DHRSX: variants seen among roughly 807,000 people sequenced by gnomAD.
DHRSX encodes the protein polyprenol dehydrogenase.
Under a neutral mutation model 34.0 loss-of-function variants are expected in DHRSX, and 31 were observed. The ratio of observed to expected loss-of-function variants is 0.91; its 90% CI spans 0.69 to 1.23. The LOEUF (loss-of-function observed/expected upper bound fraction) is 1.23. DHRSX is among the 50% of genes most tolerant of loss of function. DHRSX has a pLI of 0.00. For missense variants in DHRSX, 414 were observed against 428.1 expected (o/e 0.97, Z 0.29); for synonymous variants, 201 against 183.8 (o/e 1.09, Z -0.76).
intron 2 of DHRSX, among the ~76,000 whole-genome samples, chrX:2,423,132 G>T (rs1310117517): frequency 6.6e-6 from 1 of 150,570 alleles, no homozygotes; most frequent in Admixed American, 6.6e-5. Flanking sequence ...ATGAGCCAGG[G>T]CCAGGCACGG....
Position 2,408,780 on chromosome X carries a change from A to G in DHRSX, c.251T>C (p.Val84Ala). The change falls in exon 3 of 7, where the codon GTA (valine) becomes GCA (alanine). Residue 84 changes from valine to alanine, a missense_variant. Coordinates refer to ENST00000334651, the MANE Select transcript of DHRSX (RefSeq NM_145177.3). ...GNNDSKAKQVVSKIKEETLND... is the reference protein window; with the variant it reads ...GNNDSKAKQVASKIKEETLND... ...CAAGGTTTCTTCTTTTATTTTGCTT[A>G]CAACTTGTTTGGCTTTGCTGTCATT... is the stretch of plus-strand genomic sequence containing the variant. The G allele has an allele frequency of 1.9e-6, 3 of 1,613,300 alleles. No homozygotes were observed. The South Asian group carries it at 3.3e-5, about 18-fold the overall frequency.
In DHRSX at chrX:2,349,338, C is replaced by CAA. The variant is rs112245431; in HGVS notation, c.287-57737_287-57736dup. Among the ~76,000 whole-genome samples, 269 of 146,772 alleles carry CAA rather than the reference C, an allele frequency of 1.8e-3. 1 individual carries two copies. Among genetic ancestry groups the CAA allele is most frequent in the African/African-American group, 5.8e-3 (232 of 40,302 alleles). ...CGACAGACTGACACTCCGTCTCAAA[C>CAA]AAAAAAAAAAGAAAATGCGGTACAC... On this transcript the variant is annotated intron_variant, in intron 3 of 6. Transcript: ENST00000334651.
chrX:2,500,488 G>C (rs1025736532), intron 1 of DHRSX: 1 of 156,882 alleles, frequency 6.4e-6, no homozygotes, highest in African/African-American at 2.4e-5. Flanking sequence ...AGGGTGCGCG[G>C]GGGGGCGGCT....
At chrX:2,328,202 A>C (rs1233030564) in intron 3 of DHRSX, among the ~76,000 whole-genome samples, 2 of 152,044 alleles carry the variant, frequency 1.3e-5, no homozygotes, top group Non-Finnish European at 1.5e-5. Context: ...AGCCCTGCCT[A>C]CACCTTGATC....
At chrX:2,451,315 C>T (rs1319913796) in intron 1 of DHRSX, among the ~76,000 whole-genome samples, 2 of 151,952 alleles carry the variant, frequency 1.3e-5, no homozygotes, top group African/African-American at 4.8e-5. Flanking sequence ...CACCCTGGGC[C>T]CTGGAACTGC....
chrX:2,283,743 T>TCATTCATTCATTTGATTC (rs1329998761), intron 4 of DHRSX, among the ~76,000 whole-genome samples: 2 of 152,220 alleles, frequency 1.3e-5, no homozygotes, highest in African/African-American at 4.8e-5. Flanking sequence ...TCATTAGAAT[T>TCATTCATTCATTTGATTC]CATTCATTCA....
At chrX:2,265,726 G>T (rs1015125099) in intron 5 of DHRSX, among the ~76,000 whole-genome samples, 1 of 145,526 alleles carries the variant, frequency 6.9e-6, no homozygotes, top group African/African-American at 2.6e-5. Flanking sequence ...GTGTATAGCA[G>T]ATGCAGGGAG....
At chrX:2,295,513 G>A (rs1177114373) in intron 3 of DHRSX, among the ~76,000 whole-genome samples, 12 of 152,074 alleles carry the variant, frequency 7.9e-5, no homozygotes, top group Admixed American at 1.3e-4. Flanking sequence ...ACCATGGCAC[G>A]TGTATACCTA....
intron 1 of DHRSX, among the ~76,000 whole-genome samples, chrX:2,458,625 C>G (rs555020544): frequency 6.6e-6 from 1 of 151,978 alleles, no homozygotes; most frequent in African/African-American, 2.4e-5. Flanking sequence ...TCTAAAAAAG[C>G]TGAACGCATA....
intron 5 of DHRSX, among the ~76,000 whole-genome samples, chrX:2,262,459 G>C (rs1018715737): frequency 2.0e-5 from 3 of 151,852 alleles, no homozygotes; most frequent in African/African-American, 7.3e-5. Context: ...GTGTGCCCAC[G>C]GGCACAAAGA....
intron 1 of DHRSX, chrX:2,488,757 C>A (rs745318802): frequency 6.2e-7 from 1 of 1,613,970 alleles, no homozygotes; most frequent in African/African-American, 1.3e-5. Context: ...TCCGCCTCTG[C>A]CCCACTCCGG....
intron 4 of DHRSX, among the ~76,000 whole-genome samples, chrX:2,284,404 TTGAATGAATGAA>T (rs750399883): frequency 1.2e-4 from 18 of 151,308 alleles, no homozygotes; most frequent in Admixed American, 3.3e-4. Flanking sequence ...ATGAATGAAT[TTGAATGAATGAA>T]TGAATGAATG....
chrX:2,229,637 GTA>G (rs2015819749), intron 6 of DHRSX, among the ~76,000 whole-genome samples: 1 of 151,906 alleles, frequency 6.6e-6, no homozygotes, highest in Admixed American at 6.6e-5. Flanking sequence ...GATGTGTATT[GTA>G]TGATTGTATG....
intron 3 of DHRSX, among the ~76,000 whole-genome samples, chrX:2,363,423 T>G (rs982987859): frequency 8.0e-6 from 1 of 124,546 alleles, no homozygotes; most frequent in Non-Finnish European, 1.9e-5. Context: ...ATGCCGCCAT[T>G]TTATCACTGT....
At chrX:2,319,140 T>C (rs758167766) in intron 3 of DHRSX, among the ~76,000 whole-genome samples, 8 of 152,138 alleles carry the variant, frequency 5.3e-5, no homozygotes, top group Admixed American at 1.3e-4. Flanking sequence ...TTGGACAACA[T>C]ACATCTGAAC....
At chrX:2,437,268 G>C (rs1299896521) in intron 1 of DHRSX, among the ~76,000 whole-genome samples, 2 of 151,990 alleles carry the variant, frequency 1.3e-5, no homozygotes, top group Non-Finnish European at 2.9e-5. Context: ...CAAAGTGCTG[G>C]GATTACAGGT....
chrX:2,348,227 T>C (rs181506323), intron 3 of DHRSX, among the ~76,000 whole-genome samples: 45 of 152,242 alleles, frequency 3.0e-4, no homozygotes, highest in Admixed American at 2.6e-3. Context: ...ACCCCAGAGA[T>C]AGGAAGCTGG....
chrX:2,341,705 C>T (rs2042642509), intron 3 of DHRSX, among the ~76,000 whole-genome samples: 1 of 27,904 alleles, frequency 3.6e-5, no homozygotes, highest in South Asian at 6.7e-4. Context: ...ATTCAATCCA[C>T]TACAGGGGTT....
At chrX:2,471,378 A>C (rs28379875) in intron 1 of DHRSX, among the ~76,000 whole-genome samples, 31,887 of 151,918 alleles carry the variant, frequency 0.21, 4,541 homozygotes, top group African/African-American at 0.41. Context: ...AGCAGCCTGA[A>C]CAATAGGCTG....
Sources: allele counts gnomAD v4.1 joint callset (sites outside exome capture counted in the v4.1 genomes callset), GRCh38; gene constraint gnomAD v4.1.1; transcripts MANE v1.5; gene names NCBI Gene and HGNC (gene_info 2026-07-23, HGNC 2026-07-21).